The following SLCO4A1 variants were observed in gnomAD, a reference collection of about 807,000 sequenced individuals.
SLCO4A1 encodes solute carrier organic anion transporter family member 4A1.
A neutral mutation model predicts 64.6 loss-of-function variants in SLCO4A1; 51 were observed. The observed-to-expected ratio is 0.79, with a 90% CI of 0.63 to 1.00. The LOEUF is 1.00. Ranked by LOEUF, SLCO4A1 falls within the 50% of genes least tolerant of loss-of-function variation. The pLI is 0.00. For missense variants in SLCO4A1, 919 were observed against 980.5 expected (o/e 0.94, Z 0.84); for synonymous variants, 471 against 444.9 (o/e 1.06, Z -0.74).
chr20:62,675,769 C>T (rs1029643286), downstream of SLCO4A1, among the ~76,000 whole-genome samples: 29 of 152,212 alleles, frequency 1.9e-4, no homozygotes, highest in African/African-American at 7.0e-4. Context: ...GATACGCCCT[C>T]GGCTGCATGC....
chr20:62,670,056 G>A (rs958552159), intron 11 of SLCO4A1: 1 of 152,276 alleles, frequency 6.6e-6, no homozygotes, highest in Non-Finnish European at 1.5e-5. Flanking sequence ...ACAGTCTGGT[G>A]AGATCTTGAT....
intron 5 of SLCO4A1, among the ~76,000 whole-genome samples, chr20:62,664,405 C>T (rs943431080): frequency 6.6e-6 from 1 of 152,204 alleles, no homozygotes; most frequent in Non-Finnish European, 1.5e-5. Context: ...CCACAGTCCC[C>T]ATTCCCGTGA....
chr20:62,688,773 G>A (rs1988142515), downstream of SLCO4A1, among the ~76,000 whole-genome samples: 1 of 152,224 alleles, frequency 6.6e-6, no homozygotes, highest in South Asian at 2.1e-4. Context: ...CAGGAGGAAG[G>A]AGTCCCTCTG....
chr20:62,670,728 C>T (rs924819675), intron 11 of SLCO4A1, among the ~76,000 whole-genome samples: 1 of 152,236 alleles, frequency 6.6e-6, no homozygotes, highest in African/African-American at 2.4e-5. Flanking sequence ...CTCAGCACAG[C>T]CAGCGGGAGC....
rs1257971796 is a variant in SLCO4A1, at chr20:62,665,049, C to T, written c.1237C>T (p.Gln413Ter). 10 of 1,613,456 alleles carry T rather than the reference C, an allele frequency of 6.2e-6. No individual in the cohort carries two copies. Among genetic ancestry groups the T allele is most frequent in the Admixed American group, 3.3e-5 (2 of 59,884 alleles). The change falls in exon 6 of 12, where the codon CAG becomes TAG. Residue 413 changes from glutamine to a stop codon, truncating the protein, a stop_gained. Coordinates refer to ENST00000217159, the MANE Select transcript of SLCO4A1 (RefSeq NM_016354.4). LOFTEE classifies it high-confidence loss of function. ...GTTCAGCCCCAAGTTCTTGGAGTCC[C>T]AGTTCAGCCTGAGTGCCTCAGAAGC... ...STFSPKFLES[Q>*]FSLSASEAAT...
chr20:62,666,815 A>G (rs2052914142), intron 7 of SLCO4A1: 2 of 553,280 alleles, frequency 3.6e-6, no homozygotes, highest in African/African-American at 3.8e-5. Context: ...GGGCAGTCAT[A>G]TGCCTCTCTG....
chr20:62,673,692 G>A (rs182802825), downstream of SLCO4A1, among the ~76,000 whole-genome samples: 14 of 117,148 alleles, frequency 1.2e-4, 2 homozygotes, highest in African/African-American at 2.7e-4. Flanking sequence ...GCCTACGGTC[G>A]GCAAGAAACC....
At chr20:62,684,193 A>C (rs4809278) in intron 2 of SLCO4A1, among the ~76,000 whole-genome samples, 1 of 151,828 alleles carries the variant, frequency 6.6e-6, no homozygotes, top group Non-Finnish European at 1.5e-5. Flanking sequence ...GTCCAGGGGC[A>C]TGTGGCAGCC....
chr20:62,659,043 C>G (rs1283218292), intron 3 of SLCO4A1, among the ~76,000 whole-genome samples: 2 of 152,224 alleles, frequency 1.3e-5, no homozygotes, highest in African/African-American at 4.8e-5. Context: ...GCCACTAGTT[C>G]CCTAATGAAA....
chr20:62,682,501 A>T (rs760261589), intron 2 of SLCO4A1, among the ~76,000 whole-genome samples: 2 of 152,188 alleles, frequency 1.3e-5, no homozygotes, highest in Non-Finnish European at 2.9e-5. Context: ...GAGGGGACAG[A>T]TGAGCATGGA....
chr20:62,659,491 C>T (rs1370018220), intron 3 of SLCO4A1, among the ~76,000 whole-genome samples: 2 of 152,208 alleles, frequency 1.3e-5, no homozygotes, highest in East Asian at 3.8e-4. Flanking sequence ...CCTCTGGCCT[C>T]GGATTGATAA....
chr20:62,645,286 G>T lies in SLCO4A1; in HGVS notation c.-97+2733G>T, dbSNP rs1981099535. Among the ~76,000 whole-genome samples, 1 of 152,158 alleles carries T rather than the reference G, an allele frequency of 6.6e-6. No individual in the cohort carries two copies. The highest frequency in any genetic ancestry group is 2.4e-5 in the African/African-American group (1 of 41,448). On this transcript the variant is annotated intron_variant, in intron 1 of 11. Transcript: ENST00000217159. This position sits in a 1 kb window ranked among gnomAD's most constrained non-coding sequence, Gnocchi z 4.2. ...TCTGAGCCTTGGCCCTGCCAGGGGT[G>T]TGAGGAGGAAACTGGCCCTGCTGCT...
chr20:62,656,354 C>A lies in SLCO4A1; in HGVS notation c.-96-5C>A. 9.8e-7 allele frequency: 1 copy of A among 1,024,508 alleles called. No individual in the cohort carries two copies. Among genetic ancestry groups the A allele is most frequent in the Non-Finnish European group, 1.4e-6 (1 of 724,366 alleles). The allele number at this position is 1,024,508 out of a possible 1,614,324, so 63.5% of individuals were successfully genotyped here. A position where few individuals can be genotyped will look rare whatever the true frequency, so the allele number is the denominator to read the frequency against. ...GAGCTTGCTAACCAGACATTCTTCT[C>A]ACAGGACACACCAGCCCCTCGGATA... On this transcript the variant is annotated splice_region_variant and splice_polypyrimidine_tract_variant and intron_variant, in intron 1 of 11. Transcript: ENST00000217159.
At chr20:62,671,034 G>A (rs539224070) in intron 11 of SLCO4A1, among the ~76,000 whole-genome samples, 47 of 152,220 alleles carry the variant, frequency 3.1e-4, no homozygotes, top group African/African-American at 9.1e-4. Flanking sequence ...TGGGGCCCAC[G>A]TGGGATTCCT....
chr20:62,652,442 C>T (rs922370091), intron 1 of SLCO4A1, among the ~76,000 whole-genome samples: 32 of 152,110 alleles, frequency 2.1e-4, no homozygotes, highest in African/African-American at 7.2e-4. Flanking sequence ...GCCCTTGCGC[C>T]TCCTCGTCAG....
rs1193414813 is a variant in SLCO4A1, at chr20:62,668,526, G to A, written c.1861G>A (p.Val621Ile). The change falls in exon 10 of 12, where the codon GTA (valine) becomes ATA (isoleucine). Residue 621 changes from valine to isoleucine, a missense_variant. Transcript: ENST00000217159. ...RSFALGIQWI[V>I]VRILGGIPGP... Reference sequence around the variant, plus strand: ...CTTTGCCCTGGGAATCCAGTGGATTGTAGTTAGAATACTAGGTACTGTGCA... The same window carrying A: ...CTTTGCCCTGGGAATCCAGTGGATTATAGTTAGAATACTAGGTACTGTGCA... The A allele has an allele frequency of 6.2e-7, 1 of 1,613,692 alleles. No individual in the cohort carries two copies. The highest frequency in any genetic ancestry group is 8.5e-7 in the Non-Finnish European group (1 of 1,179,744).
In SLCO4A1 at chr20:62,671,805, A is replaced by G. The variant is rs778171078; in HGVS notation, c.2081A>G (p.Glu694Gly). 1.1e-4 allele frequency: 176 copies of G among 1,613,618 alleles called. 4 individuals carry two copies. In the South Asian group the frequency reaches 1.9e-3, roughly 17 times the overall value. ...TGCTTCTTATACAAGCCCCTGTCGG[A>G]GTCTTCAGATGGCCTGGAAACTTGT... ...IACFLYKPLSESSDGLETCLP... is the reference protein window; with the variant it reads ...IACFLYKPLSGSSDGLETCLP... Residue 694 changes from glutamate to glycine, a missense_variant, in exon 12 of 12, where the codon GAG becomes GGG. Transcript: ENST00000217159.
rs1468669917 is a variant in SLCO4A1, at chr20:62,667,847, G to T, written c.1575G>T (p.Met525Ile). Residue 525 changes from methionine (M) to isoleucine (I), a missense_variant, in exon 8 of 12, where the codon ATG (methionine) becomes ATT (isoleucine). Transcript: ENST00000217159. ...CTGTGTGCGGCTCGGACGGCCTCAT[G>T]TACTTCTCACTGTGCCACGCAGGGT... ...YSPVCGSDGLMYFSLCHAGCP... is the reference protein window; with the variant it reads ...YSPVCGSDGLIYFSLCHAGCP... 3 of 1,613,526 alleles carry T rather than the reference G, an allele frequency of 1.9e-6. No individual in the cohort carries two copies. Among genetic ancestry groups the T allele is most frequent in the Non-Finnish European group, 2.5e-6 (3 of 1,180,048 alleles).
Position 62,660,629 on chromosome 20 carries a change from C to T in SLCO4A1, c.1009+96C>T, listed in dbSNP as rs565087898. On this transcript the variant is annotated intron_variant, in intron 4 of 11. Transcript: ENST00000217159. ...CCGTTTCCTCTGCTGTCTTTTTCCC[C>T]GCCATGATCAAGTCTGCGGCACACC... 1.3e-4 allele frequency: 182 copies of T among 1,409,860 alleles called. 1 individual carries two copies. In the South Asian group the frequency reaches 1.4e-3, roughly 11 times the overall value. The allele number at this position is 1,409,860 out of a possible 1,614,324, so 87.3% of individuals were successfully genotyped here.
Sources: gnomAD v4.1 joint callset for allele counts (sites outside exome capture counted in the v4.1 genomes callset) on GRCh38, gnomAD v4.1.1 for gene constraint, Gnocchi (gnomAD v3.1) non-coding constraint, MANE v1.5 for transcripts, NCBI Gene and HGNC (gene_info 2026-07-23, HGNC 2026-07-21) for gene names.